The following STAG1 variants were observed in gnomAD, a reference collection of about 807,000 sequenced individuals.
STAG1 encodes STAG1 cohesin complex component.
A neutral mutation model predicts 170.9 loss-of-function variants in STAG1; 26 were observed. That is an observed-to-expected ratio of 0.15 (90% CI 0.11 to 0.21). The LOEUF is 0.21. Among genes scored for constraint, STAG1 ranks in the 10% least tolerant of loss-of-function variants. The pLI, the probability that STAG1 is intolerant of heterozygous loss-of-function variation, is 1.00. For synonymous variants in STAG1, 514 were observed against 497.7 expected (o/e 1.03, Z -0.44); for missense variants, 964 against 1,509.5 (o/e 0.64, Z 5.99).
chr3:136,349,411 A>G (rs1413027216), intron 28 of STAG1, 48 bp from the exon 29 acceptor site: 1 of 1,417,138 alleles, frequency 7.1e-7, no homozygotes. Context: ...AGCAGTTCAT[A>G]CATCACTTAC....
At chr3:136,744,430 T>C (rs865984187) in intron 1 of STAG1, among the ~76,000 whole-genome samples, 1 of 152,160 alleles carries the variant, frequency 6.6e-6, no homozygotes, top group African/African-American at 2.4e-5. Flanking sequence ...CTTACTAACA[T>C]CTTTCAGAAA....
intron 6 of STAG1, among the ~76,000 whole-genome samples, chr3:136,531,867 A>G (rs1191572663): frequency 6.6e-6 from 1 of 151,092 alleles, no homozygotes; most frequent in Non-Finnish European, 1.5e-5. Context: ...ATATGTAACT[A>G]ACCTGCACAT....
intron 6 of STAG1, among the ~76,000 whole-genome samples, chr3:136,522,790 C>T (rs112276218): frequency 1.2e-3 from 176 of 149,238 alleles, no homozygotes; most frequent in African/African-American, 2.5e-3. Flanking sequence ...CACTGTTCAA[C>T]TCCCACCTAT....
intron 22 of STAG1, among the ~76,000 whole-genome samples, chr3:136,383,954 C>CAAAAAAAAAAAAAAAAAAAAA (rs71304276): frequency 1.7e-5 from 1 of 58,990 alleles, no homozygotes; most frequent in Non-Finnish European, 3.2e-5. Flanking sequence ...GACTCCGTCT[C>CAAAAAAAAAAAAAAAAAAAAA]AAAAAAAAAA....
chr3:136,526,127 C>G (rs1199448738), intron 6 of STAG1, among the ~76,000 whole-genome samples: 3 of 152,140 alleles, frequency 2.0e-5, no homozygotes, highest in Non-Finnish European at 4.4e-5. Context: ...TGGTGCAGAG[C>G]TGAGTTCAAT....
intron 4 of STAG1, among the ~76,000 whole-genome samples, chr3:136,594,313 A>C (rs1938320244): frequency 6.6e-6 from 1 of 152,202 alleles, no homozygotes; most frequent in South Asian, 2.1e-4. Context: ...CGGAGGCTAG[A>C]AGAAACCAAT....
chr3:136,533,826 A>T (rs1576578494), intron 6 of STAG1, among the ~76,000 whole-genome samples: 1 of 152,216 alleles, frequency 6.6e-6, no homozygotes, highest in Non-Finnish European at 1.5e-5. Context: ...TACAAATTCA[A>T]TGTAATCCCT....
At chr3:136,509,722 T>C (rs1433511099) in intron 7 of STAG1, among the ~76,000 whole-genome samples, 2 of 152,152 alleles carry the variant, frequency 1.3e-5, no homozygotes, top group Non-Finnish European at 2.9e-5. Flanking sequence ...GGAGAGTTCA[T>C]CAGGAAATGG....
intron 6 of STAG1, 137 bp downstream of exon 6, chr3:136,541,982 A>G (rs1935927084): frequency 1.5e-6 from 1 of 660,456 alleles, no homozygotes; most frequent in African/African-American, 1.8e-5. Context: ...AATTAGTACC[A>G]CAGATTATCA....
intron 1 of STAG1, among the ~76,000 whole-genome samples, chr3:136,631,654 A>G (rs917466048): frequency 2.0e-5 from 3 of 152,168 alleles, no homozygotes; most frequent in African/African-American, 7.2e-5. Context: ...ACGTGTAGGG[A>G]CAGAGAATAT....
chr3:136,687,177 A>T (rs1576764584), intron 1 of STAG1, among the ~76,000 whole-genome samples: 1 of 152,202 alleles, frequency 6.6e-6, no homozygotes, highest in African/African-American at 2.4e-5. Context: ...TTGTCCATGC[A>T]TATGGTTGAC....
chr3:136,567,635 C>T (rs1937131824), intron 5 of STAG1, among the ~76,000 whole-genome samples: 1 of 152,216 alleles, frequency 6.6e-6, no homozygotes, highest in Non-Finnish European at 1.5e-5. Flanking sequence ...GCTGGGGACA[C>T]ACACTCCAGG....
At position 136,641,410 on chromosome 3, in the gene STAG1, C is replaced by G. The variant is rs1358574072; in HGVS notation, c.-83-10429G>C. 3.9e-5 allele frequency among the ~76,000 whole-genome samples: 6 copies of G among 152,178 alleles called. 1 individual carries two copies. The South Asian group carries it at 1.2e-3, about 31-fold the overall frequency. ...GTAATGTTATAGTGAAGAAATCCAG[C>G]AGACCCCTCCATAACCAACTGATTA... On this transcript the variant is annotated intron_variant, in intron 1 of 33. Transcript: ENST00000383202.
intron 7 of STAG1, among the ~76,000 whole-genome samples, chr3:136,516,773 T>A (rs1934400407): frequency 6.6e-6 from 1 of 152,222 alleles, no homozygotes; most frequent in Non-Finnish European, 1.5e-5. Context: ...CCAAGCATTG[T>A]CCCAAGCACT....
chr3:136,497,615 C>T (rs990015920), intron 9 of STAG1, among the ~76,000 whole-genome samples: 97 of 151,812 alleles, frequency 6.4e-4, no homozygotes, highest in African/African-American at 4.8e-4. Context: ...CCGAGGCGGG[C>T]GGATCACCAG....
chr3:136,371,485 T>C (rs983129478), intron 23 of STAG1, among the ~76,000 whole-genome samples: 1 of 152,236 alleles, frequency 6.6e-6, no homozygotes, highest in Non-Finnish European at 1.5e-5. Context: ...TTTTATGGTT[T>C]TAGGTCTGAC....
At chr3:136,474,178 A>G (rs1408998048) in intron 10 of STAG1, among the ~76,000 whole-genome samples, 1 of 152,184 alleles carries the variant, frequency 6.6e-6, no homozygotes, top group Non-Finnish European at 1.5e-5. Flanking sequence ...AATGTCTTTA[A>G]TAAAGTCATC....
intron 22 of STAG1, among the ~76,000 whole-genome samples, chr3:136,389,734 G>C (rs1415284121): frequency 6.6e-6 from 1 of 151,996 alleles, no homozygotes; most frequent in African/African-American, 2.4e-5. Flanking sequence ...TGGCCAGGCT[G>C]GTCTCAAACT....
intron 26 of STAG1, among the ~76,000 whole-genome samples, chr3:136,361,360 G>C (rs149312608): frequency 1.3e-5 from 2 of 152,122 alleles, no homozygotes; most frequent in Non-Finnish European, 2.9e-5. Context: ...TACTATTACA[G>C]AGACTGCTGC....
Sources: allele counts gnomAD v4.1 joint callset (sites outside exome capture counted in the v4.1 genomes callset), GRCh38; gene constraint gnomAD v4.1.1; transcripts MANE v1.5; gene names NCBI Gene and HGNC (gene_info 2026-07-23, HGNC 2026-07-21).